Variants in APBB2 observed in about 807,000 individuals in gnomAD.
APBB2 encodes Fe65-like 1.
In APBB2, 38 loss-of-function variants were observed where a neutral mutation model predicts 82.5. That is an observed-to-expected ratio of 0.46 (90% CI 0.36 to 0.60). APBB2 has a LOEUF of 0.60. Among genes scored for constraint, APBB2 ranks in the 20% least tolerant of loss-of-function variants. The pLI is 0.00. For synonymous variants in APBB2, 341 were observed against 368.2 expected (o/e 0.93, Z 0.85); for missense variants, 772 against 972.3 (o/e 0.79, Z 2.74).
intron 12 of APBB2, chr4:40,881,501 G>C (rs545287647): frequency 2.8e-6 from 1 of 362,888 alleles, no homozygotes; most frequent in Non-Finnish European, 3.7e-6. Flanking sequence ...ATTCCTTTTC[G>C]CTTTCTTTCC....
chr4:41,045,707 T>A (rs768076884), intron 4 of APBB2, among the ~76,000 whole-genome samples: 36 of 152,252 alleles, frequency 2.4e-4, no homozygotes, highest in Non-Finnish European at 4.0e-4. Context: ...TAATGTTCTG[T>A]ACTTTTATAA....
chr4:41,131,214 G>A (rs1755875657), intron 2 of APBB2, among the ~76,000 whole-genome samples: 1 of 152,132 alleles, frequency 6.6e-6, no homozygotes, highest in Non-Finnish European at 1.5e-5. Context: ...CAGTAGCTGT[G>A]CCCTTTTTCT....
intron 6 of APBB2, among the ~76,000 whole-genome samples, chr4:40,998,997 T>C (rs1218097628): frequency 6.6e-6 from 1 of 152,040 alleles, no homozygotes; most frequent in Admixed American, 6.5e-5. Flanking sequence ...ATTTCTAGAA[T>C]TTTCCATGGA....
intron 12 of APBB2, among the ~76,000 whole-genome samples, chr4:40,839,975 TG>T (rs1755288876): frequency 6.6e-6 from 1 of 152,068 alleles, no homozygotes; most frequent in African/African-American, 2.4e-5. Context: ...CCACGAGGGG[TG>T]TTTTTTAATA....
At chr4:41,106,852 T>C (rs1490256083) in intron 2 of APBB2, among the ~76,000 whole-genome samples, 1 of 152,020 alleles carries the variant, frequency 6.6e-6, no homozygotes, top group Non-Finnish European at 1.5e-5. Context: ...ACTGGAGAAA[T>C]AGTTGGGTCT....
At chr4:40,837,559 T>C (rs1172383532) in intron 12 of APBB2, among the ~76,000 whole-genome samples, 1 of 152,136 alleles carries the variant, frequency 6.6e-6, no homozygotes. Context: ...CAGGAACCTG[T>C]GGTTATCTGA....
chr4:41,008,946 A>G (rs35969948), intron 6 of APBB2, among the ~76,000 whole-genome samples: 1 of 152,248 alleles, frequency 6.6e-6, no homozygotes, highest in South Asian at 2.1e-4. Flanking sequence ...CACTTTAGCA[A>G]TGAATCTGAT....
intron 6 of APBB2, among the ~76,000 whole-genome samples, chr4:40,982,988 G>A (rs60737732): frequency 0.058 from 8,837 of 152,198 alleles, 865 homozygotes; most frequent in African/African-American, 0.2. Flanking sequence ...GGGTGAAGGT[G>A]GATAAGTATG....
At chr4:40,934,785 C>T (rs1284108463) in intron 8 of APBB2, 86 bp from the exon 9 acceptor site, 1 of 964,764 alleles carries the variant, frequency 1.0e-6, no homozygotes, top group Non-Finnish European at 1.6e-6. Flanking sequence ...AACGTCTTCC[C>T]AGCAAGAGGC....
chr4:41,088,378 A>T (rs1252762276), intron 3 of APBB2, among the ~76,000 whole-genome samples: 1 of 152,222 alleles, frequency 6.6e-6, no homozygotes, highest in Non-Finnish European at 1.5e-5. Context: ...CTAGCAAAGG[A>T]ACTTCCTAGG....
At chr4:40,877,158 T>C (rs1767133773) in intron 12 of APBB2, among the ~76,000 whole-genome samples, 1 of 152,156 alleles carries the variant, frequency 6.6e-6, no homozygotes, top group Non-Finnish European at 1.5e-5. Context: ...CACGGGAGAA[T>C]AAATAGAAAG....
At chr4:40,938,076 G>A (rs1210277885) in intron 7 of APBB2, among the ~76,000 whole-genome samples, 9 of 152,214 alleles carry the variant, frequency 5.9e-5, no homozygotes, top group African/African-American at 2.2e-4. Context: ...CAAAGATGGG[G>A]AAAGAGGTGG....
chr4:40,880,641 T>C (rs2154345700), intron 12 of APBB2: 1 of 985,452 alleles, frequency 1.0e-6, no homozygotes, highest in Non-Finnish European at 1.2e-6. Context: ...CACGGCACTT[T>C]GAGGATGGAC....
intron 13 of APBB2, among the ~76,000 whole-genome samples, chr4:40,829,101 T>A (rs1750954431): frequency 6.6e-6 from 1 of 152,214 alleles, no homozygotes; most frequent in Admixed American, 6.5e-5. Context: ...TGGAAAGGGC[T>A]GGCTAAAAGA....
At chr4:41,029,787 G>A (rs892090521) in intron 5 of APBB2, among the ~76,000 whole-genome samples, 3 of 152,154 alleles carry the variant, frequency 2.0e-5, no homozygotes, top group African/African-American at 7.2e-5. Context: ...AACTCACAAT[G>A]GCTGAAGTTG....
chr4:41,097,920 A>C (rs1744098084), intron 3 of APBB2, among the ~76,000 whole-genome samples: 1 of 152,174 alleles, frequency 6.6e-6, no homozygotes, highest in Admixed American at 6.5e-5. Flanking sequence ...AAAAGAAACC[A>C]CCAAGACATT....
In APBB2 at chr4:40,932,856, T is replaced by A. The variant is rs1464911480; in HGVS notation, c.1254+1600A>T. Among the ~76,000 whole-genome samples the A allele has an allele frequency of 2.6e-5, 4 of 151,748 alleles. 1 individual carries two copies. The highest frequency in any genetic ancestry group is 2.6e-4 in the Admixed American group (4 of 15,280). On this transcript the variant is annotated intron_variant, in intron 10 of 17. Coordinates refer to ENST00000508593, the MANE Select transcript of APBB2 (RefSeq NM_004307.2). ...TTCCGTATGCTTTCTCTTGGCTTGT[T>A]AAGATGTTTTGTTTTGTTTTGTTTC... is the stretch of plus-strand genomic sequence containing the variant.
At chr4:40,976,632 T>C (rs1578900542) in intron 6 of APBB2, among the ~76,000 whole-genome samples, 1 of 152,330 alleles carries the variant, frequency 6.6e-6, no homozygotes, top group East Asian at 1.9e-4. Flanking sequence ...ACCACTAATG[T>C]GTACTGAACT....
At chr4:40,976,703 C>T (rs547163342) in intron 6 of APBB2, among the ~76,000 whole-genome samples, 1 of 152,238 alleles carries the variant, frequency 6.6e-6, no homozygotes, top group African/African-American at 2.4e-5. Context: ...AGCACTGGGG[C>T]TCAGGAGCTT....
Sources: allele counts gnomAD v4.1 joint callset (sites outside exome capture counted in the v4.1 genomes callset), GRCh38; gene constraint gnomAD v4.1.1; transcripts MANE v1.5; gene names NCBI Gene and HGNC (gene_info 2026-07-23, HGNC 2026-07-21).